RBFOX1: variants seen among roughly 807,000 people sequenced by gnomAD.
The protein encoded by RBFOX1 is RNA binding protein fox-1 homolog 1.
RBFOX1 carries 8 observed loss-of-function variants against 57.7 expected under a neutral mutation model. The observed-to-expected ratio is 0.14, with a 90% confidence interval of 0.08 to 0.25. The LOEUF (loss-of-function observed/expected upper bound fraction) is 0.25. RBFOX1 is among the 10% of genes least tolerant of loss of function. The probability of loss-of-function intolerance (pLI) is 1.00; values close to 1 mark genes in which losing one functional copy is unlikely to be tolerated. For missense variants in RBFOX1, 611 were observed against 548.5 expected (o/e 1.11, Z -1.14); for synonymous variants, 326 against 222.4 (o/e 1.47, Z -4.15).
chr16:5,369,749 C>T (rs1418971196), intron 1 of RBFOX1, among the ~76,000 whole-genome samples: 3 of 152,208 alleles, frequency 2.0e-5, no homozygotes, highest in East Asian at 1.9e-4. Context: ...CCTTTCCCTT[C>T]CCTTATACCT....
chr16:6,398,489 G>C (rs2092931526), intron 2 of RBFOX1, among the ~76,000 whole-genome samples: 1 of 152,106 alleles, frequency 6.6e-6, no homozygotes, highest in Non-Finnish European at 1.5e-5. Context: ...GTACCTACTA[G>C]ATACAATGGG....
intron 4 of RBFOX1, among the ~76,000 whole-genome samples, chr16:7,462,510 C>CA (rs1195664061): frequency 2.0e-5 from 3 of 152,116 alleles, no homozygotes; most frequent in Admixed American, 6.6e-5. Flanking sequence ...ACAAAACAAA[C>CA]AAAAAAACCC....
At chr16:6,779,278 T>G (rs1316123907) in intron 3 of RBFOX1, among the ~76,000 whole-genome samples, 1 of 152,132 alleles carries the variant, frequency 6.6e-6, no homozygotes, top group Non-Finnish European at 1.5e-5. Context: ...TTTGTCTTTC[T>G]GTGCCTGGCT....
chr16:7,284,933 C>G (rs1289877917), intron 4 of RBFOX1, among the ~76,000 whole-genome samples: 1 of 152,098 alleles, frequency 6.6e-6, no homozygotes, highest in African/African-American at 2.4e-5. Flanking sequence ...CACACTGTTT[C>G]CTTTTCTGGA....
At chr16:7,265,582 A>G (rs567970195) in intron 4 of RBFOX1, among the ~76,000 whole-genome samples, 32 of 151,120 alleles carry the variant, frequency 2.1e-4, no homozygotes, top group Admixed American at 2.6e-4. Context: ...CCGAGTAGCT[A>G]GGATTACAGG....
intron 4 of RBFOX1, among the ~76,000 whole-genome samples, chr16:7,385,646 C>T (rs1034998286): frequency 6.6e-6 from 1 of 152,096 alleles, no homozygotes; most frequent in Non-Finnish European, 1.5e-5. Flanking sequence ...TTTTCAAAAC[C>T]TGTACCTGGT....
At chr16:7,271,403 A>T (rs976635271) in intron 4 of RBFOX1, among the ~76,000 whole-genome samples, 1 of 152,038 alleles carries the variant, frequency 6.6e-6, no homozygotes, top group Non-Finnish European at 1.5e-5. Context: ...TTTTTTCTAC[A>T]TCTAAAAATG....
chr16:7,312,469 C>T (rs561676987), intron 4 of RBFOX1, among the ~76,000 whole-genome samples: 14 of 152,212 alleles, frequency 9.2e-5, no homozygotes, highest in African/African-American at 2.2e-4. Context: ...ATAAACTTCT[C>T]GTTTCCATTT....
intron 3 of RBFOX1, among the ~76,000 whole-genome samples, chr16:6,670,968 C>A (rs918740731): frequency 6.6e-6 from 1 of 152,130 alleles, no homozygotes; most frequent in African/African-American, 2.4e-5. Context: ...CCACTGCACT[C>A]CAGCCTGGGT....
intron 3 of RBFOX1, among the ~76,000 whole-genome samples, chr16:6,902,470 C>G (rs1018870815): frequency 6.6e-6 from 1 of 152,126 alleles, no homozygotes; most frequent in Non-Finnish European, 1.5e-5. Flanking sequence ...GCTTGTAATC[C>G]TAGCACTTTG....
chr16:6,895,434 G>GTATATA lies in RBFOX1; in HGVS notation c.-15-156622_-15-156621insATATAT, dbSNP rs1351412911. Among the ~76,000 whole-genome samples the GTATATA allele has an allele frequency of 3.6e-4, 33 of 91,660 alleles. 4 individuals carry two copies. Among genetic ancestry groups the GTATATA allele is most frequent in the East Asian group, 1.9e-3 (7 of 3,612 alleles). The allele number at this position is 91,660 out of a possible 152,430, so 60.1% of individuals were successfully genotyped here. Reference sequence around the variant, plus strand: ...TAGTAATATATGTGTGTGTGTGTGTGTGTGTGTGTGTGTGTATATATATAT... The same window carrying GTATATA: ...TAGTAATATATGTGTGTGTGTGTGTGTATATATGTGTGTGTGTGTGTATATATATAT... On this transcript the variant is annotated intron_variant, in intron 3 of 15. Transcript: ENST00000550418.
At chr16:5,878,290 T>TC (rs2057668810) in intron 4 of RBFOX1, among the ~76,000 whole-genome samples, 1 of 152,184 alleles carries the variant, frequency 6.6e-6, no homozygotes, top group African/African-American at 2.4e-5. Flanking sequence ...TTATTAATGC[T>TC]CACTGTATGC....
At chr16:6,661,257 G>T (rs1449694208) in intron 3 of RBFOX1, among the ~76,000 whole-genome samples, 1 of 152,200 alleles carries the variant, frequency 6.6e-6, no homozygotes, top group Admixed American at 6.5e-5. Context: ...CTAACTCTCA[G>T]TGGGTTAGAA....
intron 1 of RBFOX1, among the ~76,000 whole-genome samples, chr16:6,260,873 C>G (rs940983066): frequency 6.6e-6 from 1 of 151,690 alleles, no homozygotes; most frequent in Non-Finnish European, 1.5e-5. Flanking sequence ...AGTGCAAGAC[C>G]CTGTCTCAAA....
chr16:7,682,538 GGTTTTA>G lies in RBFOX1; in HGVS notation c.995+5706_995+5711del, dbSNP rs371019325. 7.5e-3 allele frequency among the ~76,000 whole-genome samples: 1,122 copies of G among 150,432 alleles called. 6 individuals are homozygous for G. The highest frequency in any genetic ancestry group is 0.012 in the Non-Finnish European group (806 of 67,592). ...ATGGTGCTTTGAAGAAGCTGTTCTTGGTTTTAGTTTTTTTTTTTTTTAATCTTTTAT... is the reference window on the plus strand; with the variant it reads ...ATGGTGCTTTGAAGAAGCTGTTCTTGGTTTTTTTTTTTTTTAATCTTTTAT... On this transcript the variant is annotated intron_variant, in intron 14 of 15. Coordinates refer to ENST00000550418, the MANE Select transcript of RBFOX1 (RefSeq NM_018723.4).
intron 3 of RBFOX1, among the ~76,000 whole-genome samples, chr16:5,725,103 G>A (rs887107910): frequency 1.3e-5 from 2 of 152,152 alleles, no homozygotes; most frequent in Non-Finnish European, 2.9e-5. Flanking sequence ...TTTGTCCCCA[G>A]TACTAATAAA....
At chr16:6,762,137 C>G (rs2076696516) in intron 3 of RBFOX1, among the ~76,000 whole-genome samples, 1 of 152,160 alleles carries the variant, frequency 6.6e-6, no homozygotes, top group Non-Finnish European at 1.5e-5. Flanking sequence ...TCTGCTACCT[C>G]TGTCTTCTCC....
intron 1 of RBFOX1, among the ~76,000 whole-genome samples, chr16:5,246,729 G>C (rs2062310076): frequency 1.3e-5 from 2 of 151,476 alleles, no homozygotes. Context: ...GTAGTGCAGG[G>C]GTGTGATCTT....
intron 3 of RBFOX1, among the ~76,000 whole-genome samples, chr16:6,899,593 G>C (rs768110489): frequency 1.3e-5 from 2 of 152,182 alleles, no homozygotes; most frequent in African/African-American, 4.8e-5. Context: ...TTTGAGCACA[G>C]CTCCAGAATG....
Sources: gnomAD v4.1 joint callset for allele counts (sites outside exome capture counted in the v4.1 genomes callset) on GRCh38, gnomAD v4.1.1 for gene constraint, MANE v1.5 for transcripts, NCBI Gene and HGNC (gene_info 2026-07-23, HGNC 2026-07-21) for gene names.